EPHA8: variants seen among roughly 807,000 people sequenced by gnomAD.
EPHA8 encodes ephrin type-A receptor 8.
In EPHA8, 58 loss-of-function variants were observed where a neutral mutation model predicts 103.6. The observed-to-expected ratio is 0.56, with a 90% CI of 0.45 to 0.70. The LOEUF is 0.70. Ranked by LOEUF, EPHA8 falls within the 30% of genes least tolerant of loss-of-function variation. The pLI is 0.00. For missense variants in EPHA8, 1,304 were observed against 1,395.2 expected (o/e 0.93, Z 1.04); for synonymous variants, 559 against 572.5 (o/e 0.98, Z 0.34).
Position 22,576,380 on chromosome 1 carries a change from G to A in EPHA8, c.323G>A (p.Cys108Tyr). ...YAEIKFTLRD[C>Y]NSMPGVLGTC... ...GAGATCAAGTTTACCCTGCGCGACTGCAACAGCATGCCTGGTGTGCTGGGC... is the reference window on the plus strand; with the variant it reads ...GAGATCAAGTTTACCCTGCGCGACTACAACAGCATGCCTGGTGTGCTGGGC... The change falls in exon 3 of 17, where the codon TGC becomes TAC. Residue 108 changes from cysteine to tyrosine, a missense_variant. Cys to Tyr is a radical substitution (Grantham distance 194). Transcript: ENST00000166244. This position sits in a 1 kb window ranked among gnomAD's most constrained non-coding sequence, Gnocchi z 4.8. 4 of 1,613,886 alleles carry A rather than the reference G, an allele frequency of 2.5e-6. No homozygotes were observed. The highest frequency in any genetic ancestry group is 3.4e-6 in the Non-Finnish European group (4 of 1,180,028).
chr1:22,580,784 G>A (rs1272070621), intron 3 of EPHA8, among the ~76,000 whole-genome samples: 1 of 152,242 alleles, frequency 6.6e-6, no homozygotes, highest in East Asian at 1.9e-4. Context: ...AGGTGTAAGA[G>A]GTAGTGTTAC....
Position 22,588,859 on chromosome 1 carries a change from C to T in EPHA8, c.980-12C>T, listed in dbSNP as rs1301181968. On this transcript the variant is annotated splice_polypyrimidine_tract_variant and intron_variant, in intron 4 of 16. Coordinates refer to ENST00000166244, the MANE Select transcript of EPHA8 (RefSeq NM_020526.5). Reference sequence around the variant, plus strand: ...AATAACCACTGCCCCATCTGTCATCCTCTGCCCTCAGGGCCACCCTCGGCA... The same window carrying T: ...AATAACCACTGCCCCATCTGTCATCTTCTGCCCTCAGGGCCACCCTCGGCA... 2 of 1,568,982 alleles carry T rather than the reference C, an allele frequency of 1.3e-6. No homozygotes were observed. Among genetic ancestry groups the T allele is most frequent in the African/African-American group, 1.3e-5 (1 of 74,624 alleles).
intron 4 of EPHA8, 150 bp from the exon 5 acceptor site, chr1:22,588,721 A>G (rs1641287301): frequency 2.1e-6 from 3 of 1,405,422 alleles, no homozygotes; most frequent in Middle Eastern, 1.9e-4. Flanking sequence ...TGGGGAGGCT[A>G]CAGAGGATGG....
At chr1:22,587,412 C>T (rs1442584092) in intron 4 of EPHA8, among the ~76,000 whole-genome samples, 1 of 152,158 alleles carries the variant, frequency 6.6e-6, no homozygotes, top group Non-Finnish European at 1.5e-5. Flanking sequence ...CGTGTGCACA[C>T]CTGGCCCTGC....
chr1:22,586,533 T>C lies in EPHA8; in HGVS notation c.877T>C (p.Cys293Arg), dbSNP rs1641212677. Reference sequence around the variant, plus strand: ...CCCTGGGGACCAGCTGTGTGCCCGCTGCCCTCCCCACAGCCACTCCGCAGC... The same window carrying C: ...CCCTGGGGACCAGCTGTGTGCCCGCCGCCCTCCCCACAGCCACTCCGCAGC... ...SAPGDQLCAR[C>R]PPHSHSAAPA... The change falls in exon 4 of 17, where the codon TGC becomes CGC. Residue 293 changes from cysteine (C) to arginine (R), a missense_variant. Cys to Arg is a radical substitution (Grantham distance 180, BLOSUM62 -3). Coordinates refer to ENST00000166244, the MANE Select transcript of EPHA8 (RefSeq NM_020526.5). 1.2e-6 allele frequency: 2 copies of C among 1,613,716 alleles called. No individual in the cohort carries two copies. The highest frequency in any genetic ancestry group is 1.1e-5 in the South Asian group (1 of 91,048).
chr1:22,602,176 A>G lies in EPHA8; in HGVS notation c.*435A>G. 4.5e-6 allele frequency: 1 copy of G among 222,298 alleles called. No individual in the cohort carries two copies. The highest frequency in any genetic ancestry group is 8.1e-5 in the South Asian group (1 of 12,290). The allele number at this position is 222,298 out of a possible 1,614,324, so 13.8% of individuals were successfully genotyped here. A position where few individuals can be genotyped will look rare whatever the true frequency, so the allele number is the denominator to read the frequency against. ...GTGTGCATGTTATGAGCGTGTGCTT[A>G]TCCGTTAAGGCTGGAGGCACATGTG... On this transcript the variant is annotated 3_prime_UTR_variant, in exon 17 of 17. Coordinates refer to ENST00000166244, the MANE Select transcript of EPHA8 (RefSeq NM_020526.5).
intron 7 of EPHA8, 39 bp downstream of exon 7, chr1:22,593,725 G>A: frequency 6.6e-7 from 1 of 1,515,174 alleles, no homozygotes; most frequent in South Asian, 1.3e-5. Flanking sequence ...GAGCAGCCCA[G>A]GTGCCAGGAC....
chr1:22,579,333 G>T (rs1640969782), intron 3 of EPHA8, among the ~76,000 whole-genome samples: 1 of 149,056 alleles, frequency 6.7e-6, no homozygotes, highest in South Asian at 2.1e-4. Flanking sequence ...ATGTGTCCAT[G>T]TGTGCATGAG....
At chr1:22,578,451 C>T (rs757696170) in intron 3 of EPHA8, among the ~76,000 whole-genome samples, 37 of 33,002 alleles carry the variant, frequency 1.1e-3, no homozygotes, top group African/African-American at 3.2e-3. Flanking sequence ...TGCATGTGTG[C>T]GAGTGTATGC....
chr1:22,595,186 C>T (rs1451584144), intron 7 of EPHA8, 44 bp from the exon 8 acceptor site: 5 of 1,545,826 alleles, frequency 3.2e-6, no homozygotes, highest in Non-Finnish European at 3.5e-6. Context: ...GGCCCAAGGC[C>T]AGGGCTGAGA....
At position 22,589,430 on chromosome 1, in the gene EPHA8, A is replaced by G; in HGVS notation, c.1315+224A>G. On this transcript the variant is annotated intron_variant, in intron 5 of 16. Coordinates refer to ENST00000166244, the MANE Select transcript of EPHA8 (RefSeq NM_020526.5). This position sits in a 1 kb window ranked among gnomAD's most constrained non-coding sequence, Gnocchi z 4.3. ...AGAGAAATCCCAAAAGCTCAGAGGC[A>G]GGCTAGTGTGGCCGTCGAAAGCCTA... The G allele has an allele frequency of 1.3e-6, 2 of 1,496,372 alleles. No individual in the cohort carries two copies. The highest frequency in any genetic ancestry group is 1.8e-6 in the Non-Finnish European group (2 of 1,130,824). The allele number at this position is 1,496,372 out of a possible 1,614,324, so 92.7% of individuals were successfully genotyped here.
rs542793703 is a variant in EPHA8, at chr1:22,573,147, G to A, written c.160-3070G>A. ...GTGGAGCAGGGGTCCTTCTTGGGTC[G>A]GGGAGACTCGGAAGCCTAAACTCTT... On this transcript the variant is annotated intron_variant, in intron 2 of 16. Coordinates refer to ENST00000166244, the MANE Select transcript of EPHA8 (RefSeq NM_020526.5). Among the ~76,000 whole-genome samples, 7 of 152,276 alleles carry A rather than the reference G, an allele frequency of 4.6e-5. No homozygotes were observed. The East Asian group carries it at 9.7e-4, about 21-fold the overall frequency.
chr1:22,589,505 G>T lies in EPHA8; in HGVS notation c.1315+299G>T. The T allele has an allele frequency of 7.0e-7, 1 of 1,431,376 alleles. No individual in the cohort carries two copies. The highest frequency in any genetic ancestry group is 2.5e-5 in the East Asian group (1 of 40,794). 88.7% of individuals were successfully genotyped at this position (1,431,376 alleles called of 1,614,324 possible). A position where few individuals can be genotyped will look rare whatever the true frequency, so the allele number is the denominator to read the frequency against. On this transcript the variant is annotated intron_variant, in intron 5 of 16. Coordinates refer to ENST00000166244, the MANE Select transcript of EPHA8 (RefSeq NM_020526.5). The surrounding 1 kb of genome is among the most constrained non-coding windows in gnomAD (Gnocchi z 4.3). Reference sequence around the variant, plus strand: ...GCCTCAGTTTCCTCCCTGGTGCAATGGGAATAATAGTACCTGCCTGAGGTC... The same window carrying T: ...GCCTCAGTTTCCTCCCTGGTGCAATTGGAATAATAGTACCTGCCTGAGGTC...
At chr1:22,565,658 C>T (rs1052803140) in intron 1 of EPHA8, among the ~76,000 whole-genome samples, 2 of 152,188 alleles carry the variant, frequency 1.3e-5, no homozygotes, top group African/African-American at 2.4e-5. Flanking sequence ...CAGAGCCCCT[C>T]GAAGAGGGGG....
At chr1:22,564,119 G>T (rs1342228536) in intron 1 of EPHA8, among the ~76,000 whole-genome samples, 1 of 149,982 alleles carries the variant, frequency 6.7e-6, no homozygotes, top group Non-Finnish European at 1.5e-5. Flanking sequence ...CAGGGTTGGG[G>T]ACAGAGGACA....
chr1:22,589,220 C>T lies in EPHA8; in HGVS notation c.1315+14C>T, dbSNP rs1641309135. On this transcript the variant is annotated intron_variant, in intron 5 of 16. Transcript: ENST00000166244. The surrounding 1 kb of genome is among the most constrained non-coding windows in gnomAD (Gnocchi z 4.3). ...CGAACCAGGCAGGTAGGCGGAGAAACTCCGTCCCGCAGCGTCCTGGTCCCC... is the reference window on the plus strand; with the variant it reads ...CGAACCAGGCAGGTAGGCGGAGAAATTCCGTCCCGCAGCGTCCTGGTCCCC... The T allele has an allele frequency of 6.2e-7, 1 of 1,613,960 alleles. No homozygotes were observed. Among genetic ancestry groups the T allele is most frequent in the Non-Finnish European group, 8.5e-7 (1 of 1,180,010 alleles).
At chr1:22,590,093 G>T (rs1054079025) in intron 5 of EPHA8, among the ~76,000 whole-genome samples, 1 of 152,178 alleles carries the variant, frequency 6.6e-6, no homozygotes, top group Non-Finnish European at 1.5e-5. Flanking sequence ...CAGGGCCTCA[G>T]CCCTTCAGAA....
At chr1:22,568,158 A>G (rs1221043938) in intron 1 of EPHA8, among the ~76,000 whole-genome samples, 1 of 152,162 alleles carries the variant, frequency 6.6e-6, no homozygotes, top group Admixed American at 6.5e-5. Flanking sequence ...GGCTTCACGT[A>G]ATTTCCTGAC....
chr1:22,564,934 C>A (rs1329343909), intron 1 of EPHA8, among the ~76,000 whole-genome samples: 1 of 152,106 alleles, frequency 6.6e-6, no homozygotes, highest in Non-Finnish European at 1.5e-5. Context: ...CTGCCCTTCA[C>A]ACACAGCTCA....
Sources: gnomAD v4.1 joint callset for allele counts (sites outside exome capture counted in the v4.1 genomes callset) on GRCh38, gnomAD v4.1.1 for gene constraint, Gnocchi (gnomAD v3.1) non-coding constraint, MANE v1.5 for transcripts, NCBI Gene and HGNC (gene_info 2026-07-23, HGNC 2026-07-21) for gene names.